FBXO4: variants seen among roughly 807,000 people sequenced by gnomAD.
FBXO4 encodes F-box only protein 4.
Under a neutral mutation model 43.7 loss-of-function variants are expected in FBXO4, and 36 were observed. The observed-to-expected ratio is 0.82, with a 90% CI of 0.63 to 1.09. The LOEUF (loss-of-function observed/expected upper bound fraction) is 1.09, where lower values mean the gene tolerates loss of function less well. Among genes scored for constraint, FBXO4 ranks in the 50% least tolerant of loss-of-function variants. The pLI is 0.00. For synonymous variants in FBXO4, 180 were observed against 165.6 expected (o/e 1.09, Z -0.67); for missense variants, 435 against 474.1 (o/e 0.92, Z 0.77).
chr5:42,032,709 C>T, the FBXO4 span, among the ~76,000 whole-genome samples: 1 of 152,170 alleles, frequency 6.6e-6, no homozygotes, highest in Non-Finnish European at 1.5e-5. Flanking sequence ...CAAGGGCCCA[C>T]TTGGTGCTCT....
chr5:41,947,661 T>C, the FBXO4 span, among the ~76,000 whole-genome samples: 3 of 152,062 alleles, frequency 2.0e-5, no homozygotes, highest in Admixed American at 1.3e-4. Context: ...AGGCAGGAAA[T>C]TGGGAGAACA....
the FBXO4 span, among the ~76,000 whole-genome samples, chr5:41,985,887 C>T: frequency 1.3e-5 from 2 of 152,018 alleles, no homozygotes; most frequent in African/African-American, 4.8e-5. Flanking sequence ...ATGACATAAG[C>T]CATTAGCTGT....
chr5:41,977,597 T>C, the FBXO4 span, among the ~76,000 whole-genome samples: 1 of 152,266 alleles, frequency 6.6e-6, no homozygotes, highest in African/African-American at 2.4e-5. Flanking sequence ...AAGTTCCTAA[T>C]AAATTTCTCT....
At chr5:42,014,788 T>A in the FBXO4 span, among the ~76,000 whole-genome samples, 17 of 152,112 alleles carry the variant, frequency 1.1e-4, no homozygotes, top group Admixed American at 3.9e-4. Context: ...GGAATCCAAG[T>A]CTCTTTACAT....
At chr5:41,956,630 T>C in the FBXO4 span, among the ~76,000 whole-genome samples, 1 of 152,066 alleles carries the variant, frequency 6.6e-6, no homozygotes, top group African/African-American at 2.4e-5. Flanking sequence ...TGATATTTCA[T>C]TGTTCTGTTT....
At chr5:41,961,503 G>A in the FBXO4 span, among the ~76,000 whole-genome samples, 3 of 152,154 alleles carry the variant, frequency 2.0e-5, no homozygotes. Flanking sequence ...AGGGCTCAGG[G>A]ACCCCTGCTC....
chr5:41,939,632 C>A lies in FBXO4; in HGVS notation c.1074+16C>A, dbSNP rs1751949430. On this transcript the variant is annotated intron_variant, in intron 6 of 6. Transcript: ENST00000281623. Reference sequence around the variant, plus strand: ...CCCATGGCTGGTAAGATCATTTATACTCTAGTGACAAAAATTTTATTTTGC... The same window carrying A: ...CCCATGGCTGGTAAGATCATTTATAATCTAGTGACAAAAATTTTATTTTGC... 1 of 1,557,520 alleles carries A rather than the reference C, an allele frequency of 6.4e-7. No individual in the cohort carries two copies. The highest frequency in any genetic ancestry group is 8.7e-7 in the Non-Finnish European group (1 of 1,152,170).
the FBXO4 span, among the ~76,000 whole-genome samples, chr5:42,018,533 C>A: frequency 6.6e-6 from 1 of 151,938 alleles, no homozygotes; most frequent in Non-Finnish European, 1.5e-5. Flanking sequence ...TCAATAGATG[C>A]CAAAAAATTG....
chr5:41,925,589 C>CG (rs1269667417), intron 1 of FBXO4, 91 bp downstream of exon 1: 12 of 1,017,288 alleles, frequency 1.2e-5, no homozygotes, highest in African/African-American at 1.7e-5. Flanking sequence ...GGGGAACTCT[C>CG]GCGCCCCGGC....
At chr5:41,971,993 G>C in the FBXO4 span, among the ~76,000 whole-genome samples, 1 of 152,106 alleles carries the variant, frequency 6.6e-6, no homozygotes, top group Admixed American at 6.5e-5. Context: ...ATACTAAACA[G>C]GCAAAATCTG....
At chr5:42,001,174 A>T in the FBXO4 span, among the ~76,000 whole-genome samples, 1 of 152,172 alleles carries the variant, frequency 6.6e-6, no homozygotes, top group African/African-American at 2.4e-5. Context: ...GTAGTATGAA[A>T]ATTTTAACAA....
At chr5:41,952,952 C>CT in the FBXO4 span, among the ~76,000 whole-genome samples, 2 of 151,124 alleles carry the variant, frequency 1.3e-5, no homozygotes, top group African/African-American at 4.9e-5. Flanking sequence ...CAGTTTTTTT[C>CT]TTTTTTTATG....
intron 3 of FBXO4, among the ~76,000 whole-genome samples, chr5:41,931,710 G>T (rs1022552770): frequency 6.6e-6 from 1 of 152,214 alleles, no homozygotes; most frequent in African/African-American, 2.4e-5. Flanking sequence ...AGAAAATCGA[G>T]ATTTGGGAGT....
intron 5 of FBXO4, 163 bp downstream of exon 5, chr5:41,934,471 G>A (rs1020666153): frequency 4.8e-6 from 7 of 1,448,560 alleles, no homozygotes; most frequent in Non-Finnish European, 5.4e-6. Flanking sequence ...ACTTTTGTGT[G>A]TATTAGGATC....
chr5:41,996,095 C>T, the FBXO4 span, among the ~76,000 whole-genome samples: 1 of 152,204 alleles, frequency 6.6e-6, no homozygotes, highest in Non-Finnish European at 1.5e-5. Flanking sequence ...TCAGTGCAGG[C>T]TGGGGGAGAG....
chr5:42,015,270 TTG>T, the FBXO4 span, among the ~76,000 whole-genome samples: 3 of 152,154 alleles, frequency 2.0e-5, no homozygotes, highest in Admixed American at 6.6e-5. Flanking sequence ...TGTTGAGATT[TTG>T]TGTGTGTGTG....
chr5:42,030,050 C>T, the FBXO4 span, among the ~76,000 whole-genome samples: 1 of 152,058 alleles, frequency 6.6e-6, no homozygotes, highest in Non-Finnish European at 1.5e-5. Context: ...TTTATAGATT[C>T]AATGCCATCC....
At chr5:41,980,389 T>C in the FBXO4 span, among the ~76,000 whole-genome samples, 1 of 152,172 alleles carries the variant, frequency 6.6e-6, no homozygotes, top group African/African-American at 2.4e-5. Context: ...TAAAAAAGGA[T>C]AGAAAGAATC....
chr5:41,950,179 C>A, the FBXO4 span, among the ~76,000 whole-genome samples: 3 of 152,000 alleles, frequency 2.0e-5, no homozygotes, highest in Non-Finnish European at 4.4e-5. Flanking sequence ...ACGAAAACAC[C>A]AAAAGCAATG....
Sources: gnomAD v4.1 joint callset for allele counts (sites outside exome capture counted in the v4.1 genomes callset) on GRCh38, gnomAD v4.1.1 for gene constraint, MANE v1.5 for transcripts, NCBI Gene and HGNC (gene_info 2026-07-23, HGNC 2026-07-21) for gene names.